Variants in EXOC4 observed in about 807,000 individuals in gnomAD.
EXOC4 encodes SEC8-like 1.
EXOC4 carries 71 observed loss-of-function variants against 107.2 expected under a neutral mutation model. The ratio of observed to expected loss-of-function variants is 0.66; its 90% CI spans 0.55 to 0.81. EXOC4 has a LOEUF of 0.81. Ranked by LOEUF, EXOC4 falls within the 30% of genes least tolerant of loss-of-function variation. The pLI, the probability that EXOC4 is intolerant of heterozygous loss-of-function variation, is 0.00. For missense variants in EXOC4, 1,108 were observed against 1,189.6 expected (o/e 0.93, Z 1.01); for synonymous variants, 456 against 441.2 (o/e 1.03, Z -0.42).
At chr7:134,048,153 C>G (rs1051200939) in intron 17 of EXOC4, among the ~76,000 whole-genome samples, 8 of 152,196 alleles carry the variant, frequency 5.3e-5, no homozygotes, top group Non-Finnish European at 7.3e-5. Context: ...CCAGCAGATC[C>G]ACTGAGTGCA....
intron 1 of EXOC4, among the ~76,000 whole-genome samples, chr7:133,270,124 A>C (rs937859149): frequency 4.6e-5 from 7 of 152,138 alleles, no homozygotes; most frequent in Non-Finnish European, 1.0e-4. Context: ...GGTTTTAGAC[A>C]GGGTAGTCCC....
the EXOC4 span, among the ~76,000 whole-genome samples, chr7:134,073,342 C>T: frequency 0.011 from 1,635 of 151,502 alleles, 34 homozygotes; most frequent in African/African-American, 0.034. Context: ...AGAAACTGGA[C>T]GTTCTGATCT....
rs139493927 is a variant in EXOC4, at chr7:133,281,261, T to C, written c.276+6090T>C. 2.3e-3 allele frequency among the ~76,000 whole-genome samples: 341 copies of C among 151,116 alleles called. 2 individuals carry two copies. The highest frequency in any genetic ancestry group is 0.013 in the South Asian group (60 of 4,792). ...AACTAACCTGCACAATGTGCACATG[T>C]ACCCTAAAACTTAAAGTGTAATAAT... On this transcript the variant is annotated intron_variant, in intron 2 of 17. Transcript: ENST00000253861.
chr7:133,780,299 A>G (rs1796437388), intron 10 of EXOC4, among the ~76,000 whole-genome samples: 1 of 123,294 alleles, frequency 8.1e-6, no homozygotes, highest in African/African-American at 3.3e-5. Flanking sequence ...GCTTTTGAAG[A>G]ATCTAAAAAA....
At chr7:133,756,598 ACT>A (rs947884742) in intron 10 of EXOC4, among the ~76,000 whole-genome samples, 2 of 152,172 alleles carry the variant, frequency 1.3e-5, no homozygotes, top group African/African-American at 4.8e-5. Context: ...TAAAATTGCC[ACT>A]CTGCACAAAC....
At chr7:133,981,996 T>C (rs1318895976) in intron 14 of EXOC4, among the ~76,000 whole-genome samples, 1 of 152,140 alleles carries the variant, frequency 6.6e-6, no homozygotes, top group Non-Finnish European at 1.5e-5. Context: ...AGCAAAGTAA[T>C]GCAGGAACAG....
chr7:133,385,187 C>G (rs1378017904), intron 7 of EXOC4, among the ~76,000 whole-genome samples: 2 of 152,198 alleles, frequency 1.3e-5, no homozygotes, highest in Non-Finnish European at 2.9e-5. Context: ...TGGGGCATTA[C>G]TTGGTATCAC....
At chr7:133,829,973 C>T (rs984520248) in intron 11 of EXOC4, among the ~76,000 whole-genome samples, 9 of 152,062 alleles carry the variant, frequency 5.9e-5, no homozygotes, top group African/African-American at 2.2e-4. Flanking sequence ...TTTTCTTCTT[C>T]ATTTTTATCT....
At chr7:133,777,543 A>G (rs530262415) in intron 10 of EXOC4, among the ~76,000 whole-genome samples, 2 of 152,292 alleles carry the variant, frequency 1.3e-5, no homozygotes, top group South Asian at 2.1e-4. Flanking sequence ...CATTTATTCT[A>G]AGAAACAGGA....
intron 10 of EXOC4, among the ~76,000 whole-genome samples, chr7:133,721,175 T>C (rs1164395948): frequency 6.6e-6 from 1 of 152,200 alleles, no homozygotes; most frequent in African/African-American, 2.4e-5. Flanking sequence ...TTCATTTTTT[T>C]CATTAAGATT....
chr7:133,981,299 C>T (rs1334710718), intron 14 of EXOC4, among the ~76,000 whole-genome samples: 1 of 152,120 alleles, frequency 6.6e-6, no homozygotes, highest in Non-Finnish European at 1.5e-5. Context: ...TTTTCCTCTG[C>T]AGTCTCGATG....
At chr7:133,514,904 C>T (rs952618115) in intron 9 of EXOC4, among the ~76,000 whole-genome samples, 8 of 152,046 alleles carry the variant, frequency 5.3e-5, no homozygotes, top group Admixed American at 1.3e-4. Flanking sequence ...CATATAAGGG[C>T]ATTTTAATCT....
At chr7:133,884,582 TGTGTG>T (rs990538261) in intron 11 of EXOC4, among the ~76,000 whole-genome samples, 2 of 12,970 alleles carry the variant, frequency 1.5e-4, no homozygotes, top group African/African-American at 6.6e-4. Flanking sequence ...CCCTATGCTC[TGTGTG>T]TGTGTGTGTG....
At chr7:133,730,689 A>G (rs770875215) in intron 10 of EXOC4, among the ~76,000 whole-genome samples, 3 of 152,168 alleles carry the variant, frequency 2.0e-5, no homozygotes, top group Non-Finnish European at 4.4e-5. Flanking sequence ...TGTAAGATGA[A>G]TCTCTGTCCT....
chr7:134,043,838 G>A (rs931703519), intron 17 of EXOC4, among the ~76,000 whole-genome samples: 12 of 152,184 alleles, frequency 7.9e-5, no homozygotes, highest in Admixed American at 5.9e-4. Flanking sequence ...GGCAGTCTCT[G>A]TGTAGAGAAG....
At chr7:134,082,754 T>G in the EXOC4 span, among the ~76,000 whole-genome samples, 4 of 152,198 alleles carry the variant, frequency 2.6e-5, no homozygotes, top group South Asian at 2.1e-4. Context: ...CAACCTGTTT[T>G]ATCAGCAAGC....
At chr7:133,390,938 C>CA (rs1345066132) in intron 7 of EXOC4, among the ~76,000 whole-genome samples, 30 of 152,282 alleles carry the variant, frequency 2.0e-4, no homozygotes, top group African/African-American at 6.7e-4. Context: ...AAGCATTGAA[C>CA]ACAGGTGATG....
chr7:133,820,214 ATTTAT>A (rs768830825), intron 11 of EXOC4, among the ~76,000 whole-genome samples: 30 of 128,250 alleles, frequency 2.3e-4, no homozygotes, highest in Non-Finnish European at 3.4e-4. Flanking sequence ...CATTAAAAAA[ATTTAT>A]TTTATGAAAA....
intron 7 of EXOC4, among the ~76,000 whole-genome samples, chr7:133,428,020 G>T (rs1290735022): frequency 2.7e-5 from 4 of 150,730 alleles, no homozygotes; most frequent in African/African-American, 7.3e-5. Flanking sequence ...TTGAGAAATA[G>T]GGTATTTAAC....
Sources: allele counts gnomAD v4.1 joint callset (sites outside exome capture counted in the v4.1 genomes callset), GRCh38; gene constraint gnomAD v4.1.1; transcripts MANE v1.5; gene names NCBI Gene and HGNC (gene_info 2026-07-23, HGNC 2026-07-21).